The following LRRC7 variants were observed in gnomAD, a reference collection of about 807,000 sequenced individuals.
LRRC7 encodes the protein leucine rich repeat containing 7.
Under a neutral mutation model 175.7 loss-of-function variants are expected in LRRC7, and 23 were observed. That is an observed-to-expected ratio of 0.13 (90% CI 0.09 to 0.19). The LOEUF (loss-of-function observed/expected upper bound fraction) is 0.19, where lower values mean the gene tolerates loss of function less well. Ranked by LOEUF, LRRC7 falls within the 10% of genes least tolerant of loss-of-function variation. LRRC7 has a pLI of 1.00. For synonymous variants in LRRC7, 685 were observed against 680.9 expected (o/e 1.01, Z -0.09); for missense variants, 1,354 against 1,904.7 (o/e 0.71, Z 5.38).
intron 1 of LRRC7, among the ~76,000 whole-genome samples, chr1:69,637,080 T>TCTCTCTCTCTCTCTC (rs1553130024): frequency 0.042 from 6,276 of 148,502 alleles, 239 homozygotes; most frequent in Middle Eastern, 0.092. Context: ...CCTTCTCTCT[T>TCTCTCTCTCTCTCTC]TCTCTCTCTC....
chr1:69,843,677 CACAG>C, intron 7 of LRRC7, among the ~76,000 whole-genome samples: 1 of 152,030 alleles, frequency 6.6e-6, no homozygotes, highest in Admixed American at 6.6e-5. Flanking sequence ...TAAATATACT[CACAG>C]AAGATGCCAA....
intron 24 of LRRC7, among the ~76,000 whole-genome samples, chr1:70,081,814 G>GA (rs774572334): frequency 7.2e-5 from 11 of 152,274 alleles, no homozygotes; most frequent in Non-Finnish European, 1.2e-4. Context: ...TAACACATCA[G>GA]AATAGCAGGA....
intron 10 of LRRC7, among the ~76,000 whole-genome samples, chr1:69,990,844 C>T (rs1654368960): frequency 6.6e-6 from 1 of 152,014 alleles, no homozygotes; most frequent in South Asian, 2.1e-4. Flanking sequence ...TAATTGATTA[C>T]ACTTATTCTA....
At chr1:69,664,826 G>A (rs227117) in intron 1 of LRRC7, among the ~76,000 whole-genome samples, 111,182 of 152,008 alleles carry the variant, frequency 0.73, 41,006 homozygotes, top group African/African-American at 0.8. Context: ...CTATTTGTCT[G>A]TTTGGGCTTG....
At chr1:69,725,109 T>C (rs1422605853) in intron 2 of LRRC7, among the ~76,000 whole-genome samples, 2 of 152,186 alleles carry the variant, frequency 1.3e-5, no homozygotes, top group Middle Eastern at 6.8e-3. Context: ...ACAGAGTATA[T>C]TAGACACTGT....
chr1:69,757,811 T>C (rs1570647973), intron 2 of LRRC7, among the ~76,000 whole-genome samples: 1 of 151,850 alleles, frequency 6.6e-6, no homozygotes, highest in Non-Finnish European at 1.5e-5. Context: ...AGCAAATGGG[T>C]GTGTGCCGTG....
chr1:69,688,649 A>T (rs916666190), intron 2 of LRRC7, among the ~76,000 whole-genome samples: 13 of 150,716 alleles, frequency 8.6e-5, no homozygotes, highest in Non-Finnish European at 5.9e-5. Flanking sequence ...TTTTTTTAAA[A>T]AAAACCTCTT....
intron 25 of LRRC7, among the ~76,000 whole-genome samples, chr1:70,097,080 G>GA (rs1664460577): frequency 6.6e-6 from 1 of 152,198 alleles, no homozygotes; most frequent in Non-Finnish European, 1.5e-5. Flanking sequence ...GGTAATGAAT[G>GA]AAAATATCAG....
At chr1:70,107,937 T>C (rs993362035) in intron 26 of LRRC7, 111 bp downstream of exon 26, 5 of 943,890 alleles carry the variant, frequency 5.3e-6, no homozygotes, top group Non-Finnish European at 8.2e-6. Flanking sequence ...CCTTCTCACA[T>C]TGCTTATTTG....
intron 1 of LRRC7, among the ~76,000 whole-genome samples, chr1:69,579,088 G>C (rs1280927882): frequency 6.6e-6 from 1 of 151,970 alleles, no homozygotes; most frequent in East Asian, 1.9e-4. Context: ...GCATATTTTA[G>C]TTCAGAAGAT....
At chr1:69,641,955 G>A (rs1257786378) in intron 1 of LRRC7, among the ~76,000 whole-genome samples, 1 of 151,802 alleles carries the variant, frequency 6.6e-6, no homozygotes, top group African/African-American at 2.4e-5. Context: ...AGATCTGGAA[G>A]TTATAATTTA....
intron 25 of LRRC7, among the ~76,000 whole-genome samples, chr1:70,091,263 A>G (rs1474679799): frequency 6.6e-6 from 1 of 152,206 alleles, no homozygotes; most frequent in Non-Finnish European, 1.5e-5. Flanking sequence ...AATTTTAATA[A>G]ATTATTGATA....
intron 8 of LRRC7, among the ~76,000 whole-genome samples, chr1:69,944,915 A>C (rs990109555): frequency 5.3e-5 from 8 of 151,792 alleles, no homozygotes; most frequent in Non-Finnish European, 1.5e-5. Context: ...TTGATCCCTT[A>C]TCAGATATGT....
At chr1:70,087,138 C>A (rs1328740120) in intron 24 of LRRC7, among the ~76,000 whole-genome samples, 1 of 152,206 alleles carries the variant, frequency 6.6e-6, no homozygotes, top group Non-Finnish European at 1.5e-5. Context: ...GGCAGTTCTT[C>A]ATACACTTGG....
intron 1 of LRRC7, among the ~76,000 whole-genome samples, chr1:69,641,973 T>A (rs1185185229): frequency 6.6e-6 from 1 of 151,890 alleles, no homozygotes; most frequent in South Asian, 2.1e-4. Context: ...TTAAGCTAGC[T>A]GTTAGAGCTT....
Position 69,792,289 on chromosome 1 carries a change from T to C in LRRC7, c.421+129T>C, listed in dbSNP as rs141470493. The C allele has an allele frequency of 1.1e-3, 656 of 599,088 alleles. 8 individuals carry two copies. In the East Asian group the frequency reaches 0.018, roughly 17 times the overall value. 37.1% of individuals were successfully genotyped at this position (599,088 alleles called of 1,614,324 possible). ...TTGTTGCAACTGTAGTTTAATGCTC[T>C]TGTAAAGTTAAATCCTAAATTTTAA... On this transcript the variant is annotated intron_variant, in intron 4 of 26. Transcript: ENST00000651989.
intron 7 of LRRC7, among the ~76,000 whole-genome samples, chr1:69,881,516 A>G (rs368488465): frequency 6.6e-6 from 1 of 152,176 alleles, no homozygotes; most frequent in East Asian, 1.9e-4. Flanking sequence ...AGCTCAGGCA[A>G]CAAAAGAAAA....
At chr1:69,748,353 C>T in intron 2 of LRRC7, among the ~76,000 whole-genome samples, 1 of 151,958 alleles carries the variant, frequency 6.6e-6, no homozygotes, top group East Asian at 1.9e-4. Context: ...TGAAGGGCAC[C>T]AAATTAACAT....
chr1:69,903,442 G>A (rs116207786), intron 7 of LRRC7, among the ~76,000 whole-genome samples: 1,899 of 152,208 alleles, frequency 0.012, 35 homozygotes, highest in African/African-American at 0.043. Flanking sequence ...GGTGCACTCT[G>A]GCCCAGATAC....
Sources: allele counts gnomAD v4.1 joint callset (sites outside exome capture counted in the v4.1 genomes callset), GRCh38; gene constraint gnomAD v4.1.1; transcripts MANE v1.5; gene names NCBI Gene and HGNC (gene_info 2026-07-23, HGNC 2026-07-21).